Variants in TGDS observed in about 807,000 individuals in gnomAD.
The protein encoded by TGDS is TDP-glucose 4,6-dehydratase.
A neutral mutation model predicts 52.3 loss-of-function variants in TGDS; 47 were observed. The observed-to-expected ratio is 0.90, with a 90% confidence interval of 0.71 to 1.15. The LOEUF is 1.15. TGDS is among the 50% of genes most tolerant of loss of function. The pLI is 0.00. For missense variants in TGDS, 375 were observed against 418.4 expected (o/e 0.90, Z 0.90); for synonymous variants, 115 against 136.9 (o/e 0.84, Z 1.12).
At chr13:94,595,268 A>G (rs1388134278) in intron 1 of TGDS, among the ~76,000 whole-genome samples, 2 of 152,212 alleles carry the variant, frequency 1.3e-5, no homozygotes, top group African/African-American at 2.4e-5. Flanking sequence ...AGAAAAGCAG[A>G]TCAGGTTGCA....
Position 94,574,872 on chromosome 13 carries a change from G to C in TGDS, c.983-20C>G, listed in dbSNP as rs749470757. On this transcript the variant is annotated intron_variant, in intron 11 of 11. Transcript: ENST00000261296. ...ATTCAACTAATAGGAAAAAACAAAA[G>C]ACAAAAAAAAAAAAGAAAAGAAAGA... 3.6e-4 allele frequency: 387 copies of C among 1,080,096 alleles called. No homozygotes were observed. Among genetic ancestry groups the C allele is most frequent in the African/African-American group, 4.3e-4 (16 of 37,240 alleles). 66.9% of individuals were successfully genotyped at this position (1,080,096 alleles called of 1,614,324 possible). A position where few individuals can be genotyped will look rare whatever the true frequency, so the allele number is the denominator to read the frequency against.
At chr13:94,574,955 A>G (rs1402086051) in intron 11 of TGDS, 103 bp from the exon 12 acceptor site, 1 of 652,346 alleles carries the variant, frequency 1.5e-6, no homozygotes, top group Non-Finnish European at 2.6e-6. Flanking sequence ...AGTCTTGCCC[A>G]TCAGCTAAGC....
chr13:94,589,407 C>T (rs767176975), intron 4 of TGDS, among the ~76,000 whole-genome samples: 16 of 151,820 alleles, frequency 1.1e-4, no homozygotes, highest in East Asian at 3.9e-4. Context: ...CTCTGTCTCC[C>T]GGGTTCACGC....
intron 6 of TGDS, among the ~76,000 whole-genome samples, chr13:94,580,342 G>C (rs987654221): frequency 6.6e-6 from 1 of 152,182 alleles, no homozygotes; most frequent in African/African-American, 2.4e-5. Flanking sequence ...TACTATGAAA[G>C]TGAAAAGGAC....
intron 1 of TGDS, among the ~76,000 whole-genome samples, chr13:94,594,266 T>C (rs1169550357): frequency 5.9e-5 from 9 of 152,222 alleles, no homozygotes; most frequent in Admixed American, 4.6e-4. Flanking sequence ...TACATGCCTA[T>C]AGCATGCCTT....
At chr13:94,578,624 G>A (rs1888683342) in intron 8 of TGDS, 106 bp downstream of exon 8, 4 of 762,810 alleles carry the variant, frequency 5.2e-6, no homozygotes, top group African/African-American at 3.6e-5. Flanking sequence ...ATTTAGTGGG[G>A]CATTCAATTC....
rs143544208 is a variant in TGDS, at chr13:94,590,053, T to C, written c.313+800A>G. ...AACTACTACAGTGTATGTGTATATA[T>C]GTATTTTTAGACTGGAATATTATGA... On this transcript the variant is annotated intron_variant, in intron 4 of 11. Transcript: ENST00000261296. 2.1e-4 allele frequency among the ~76,000 whole-genome samples: 32 copies of C among 151,810 alleles called. No homozygotes were observed. In the East Asian group the frequency reaches 6.0e-3, roughly 28 times the overall value.
Position 94,576,172 on chromosome 13 carries a change from A to G in TGDS, c.982+142T>C, listed in dbSNP as rs1594436655. 8.0e-6 allele frequency: 4 copies of G among 500,354 alleles called. No individual in the cohort carries two copies. The East Asian group carries it at 1.0e-4, about 13-fold the overall frequency. The allele number at this position is 500,354 out of a possible 1,614,324, so 31.0% of individuals were successfully genotyped here. The stretch of plus-strand genomic sequence containing the variant: ...GCTTAGGAAACACAGGACTGCTACT[A>G]GAAATATATGAAATGTGGCAATTTG... On this transcript the variant is annotated intron_variant, in intron 11 of 11. Coordinates refer to ENST00000261296, the MANE Select transcript of TGDS (RefSeq NM_014305.4).
chr13:94,593,036 C>T (rs758448767), intron 2 of TGDS, among the ~76,000 whole-genome samples: 1 of 152,008 alleles, frequency 6.6e-6, no homozygotes. Context: ...TGCCTGTAAT[C>T]CCAGCTACTC....
At chr13:94,575,188 A>C (rs1199871214) in intron 11 of TGDS, among the ~76,000 whole-genome samples, 1 of 151,918 alleles carries the variant, frequency 6.6e-6, no homozygotes, top group African/African-American at 2.4e-5. Flanking sequence ...CCCTGGTTTT[A>C]AGGTTATTTT....
chr13:94,596,018 A>T (rs200034787), intron 1 of TGDS, 33 bp downstream of exon 1: 1 of 1,612,880 alleles, frequency 6.2e-7, no homozygotes, highest in Admixed American at 1.7e-5. Context: ...GTTTCTGGGG[A>T]GCCACTGCTT....
intron 4 of TGDS, among the ~76,000 whole-genome samples, chr13:94,590,476 T>C (rs901028495): frequency 5.3e-5 from 8 of 152,090 alleles, no homozygotes; most frequent in Non-Finnish European, 1.2e-4. Flanking sequence ...TATTTCATAA[T>C]AAAACTGTCA....
intron 4 of TGDS, among the ~76,000 whole-genome samples, chr13:94,588,348 G>C (rs2139536269): frequency 7.0e-6 from 1 of 141,934 alleles, no homozygotes; most frequent in South Asian, 2.2e-4. Flanking sequence ...GCTTGAATCT[G>C]GGAGGCGGAG....
intron 1 of TGDS, 35 bp from the exon 2 acceptor site, chr13:94,593,942 C>CT (rs1889290175): frequency 7.6e-7 from 1 of 1,309,888 alleles, no homozygotes. Context: ...TAGTGAAAAA[C>CT]TTTAACTTCC....
At chr13:94,582,690 T>C (rs1888839584) in intron 5 of TGDS, among the ~76,000 whole-genome samples, 1 of 152,182 alleles carries the variant, frequency 6.6e-6, no homozygotes, top group Non-Finnish European at 1.5e-5. Flanking sequence ...GTATGCACCA[T>C]CTAATCAGCT....
Position 94,596,138 on chromosome 13 carries a change from TC to T in TGDS, c.-3del. On this transcript the variant is annotated 5_prime_UTR_variant, in exon 1 of 12. Coordinates refer to ENST00000261296, the MANE Select transcript of TGDS (RefSeq NM_014305.4). ...TTCCTCCCAACACGCCGCCGACATC[TC>T]CCAGCTCAGCAGTGCCTAGTACCGT... 6.2e-7 allele frequency: 1 copy of T among 1,613,898 alleles called. No homozygotes were observed. Among genetic ancestry groups the T allele is most frequent in the Non-Finnish European group, 8.5e-7 (1 of 1,179,910 alleles).
chr13:94,581,087 T>C lies in TGDS; in HGVS notation c.555+4A>G. ...TTTCAAGAGTTTCTGCAATCAGTTC[T>C]TACCTTATATTGTTCCCAGTAAGAC... On this transcript the variant is annotated splice_donor_region_variant and intron_variant, in intron 6 of 11. Transcript: ENST00000261296. 6.6e-7 allele frequency: 1 copy of C among 1,504,912 alleles called. No individual in the cohort carries two copies. Among genetic ancestry groups the C allele is most frequent in the Non-Finnish European group, 9.0e-7 (1 of 1,114,140 alleles). 93.2% of individuals were successfully genotyped at this position (1,504,912 alleles called of 1,614,324 possible). A position where few individuals can be genotyped will look rare whatever the true frequency, so the allele number is the denominator to read the frequency against.
rs185011648 is a variant in TGDS, at chr13:94,576,286, C to T, written c.982+28G>A. The T allele has an allele frequency of 1.0e-3, 1,538 of 1,478,634 alleles. 6 individuals carry two copies. Among genetic ancestry groups the T allele is most frequent in the Admixed American group, 1.5e-3 (75 of 48,728 alleles). The allele number at this position is 1,478,634 out of a possible 1,614,324, so 91.6% of individuals were successfully genotyped here. A position where few individuals can be genotyped will look rare whatever the true frequency, so the allele number is the denominator to read the frequency against. ...TTTTCCTTTAAATTTTTCTGACTTGCCCCCAAAATGATTAATTCAAAACAT... is the reference window on the plus strand; with the variant it reads ...TTTTCCTTTAAATTTTTCTGACTTGTCCCCAAAATGATTAATTCAAAACAT... On this transcript the variant is annotated intron_variant, in intron 11 of 11. Coordinates refer to ENST00000261296, the MANE Select transcript of TGDS (RefSeq NM_014305.4).
chr13:94,587,300 A>G (rs749977640), intron 4 of TGDS, among the ~76,000 whole-genome samples: 33 of 152,336 alleles, frequency 2.2e-4, no homozygotes, highest in Non-Finnish European at 3.8e-4. Flanking sequence ...ATAGAAAACA[A>G]ACACGCATAA....
Sources: allele counts gnomAD v4.1 joint callset (sites outside exome capture counted in the v4.1 genomes callset), GRCh38; gene constraint gnomAD v4.1.1; transcripts MANE v1.5; gene names NCBI Gene and HGNC (gene_info 2026-07-23, HGNC 2026-07-21).